CLYBL: variants seen among roughly 807,000 people sequenced by gnomAD.
The protein encoded by CLYBL is citramalyl-CoA lyase.
In CLYBL, 31 loss-of-function variants were observed where a neutral mutation model predicts 38.9. The observed-to-expected ratio is 0.80, with a 90% CI of 0.60 to 1.08. The LOEUF (loss-of-function observed/expected upper bound fraction) is 1.08, where lower values mean the gene tolerates loss of function less well. Ranked by LOEUF, CLYBL falls within the 50% of genes least tolerant of loss-of-function variation. CLYBL has a pLI of 0.00. For synonymous variants in CLYBL, 171 were observed against 158.6 expected (o/e 1.08, Z -0.59); for missense variants, 434 against 411.6 (o/e 1.05, Z -0.47).
intron 1 of CLYBL, among the ~76,000 whole-genome samples, chr13:99,728,581 T>C (rs2048525303): frequency 6.6e-6 from 1 of 151,860 alleles, no homozygotes; most frequent in African/African-American, 2.4e-5. Flanking sequence ...TTTTTTTTTT[T>C]TTCTTTTTAA....
intron 2 of CLYBL, among the ~76,000 whole-genome samples, chr13:99,794,586 T>TATTATTATTATTATTATG (rs1341818810): frequency 6.7e-6 from 1 of 148,684 alleles, no homozygotes; most frequent in African/African-American, 2.5e-5. Context: ...TTTCATTTAT[T>TATTATTATTATTATTATG]ATTATTATTA....
At chr13:99,655,475 G>C (rs2047317630) in intron 1 of CLYBL, among the ~76,000 whole-genome samples, 1 of 152,240 alleles carries the variant, frequency 6.6e-6, no homozygotes, top group South Asian at 2.1e-4. Flanking sequence ...GCAACCTCTA[G>C]TTGCTGGGAC....
At position 99,793,205 on chromosome 13, in the gene CLYBL, A is replaced by C. The variant is rs535856615; in HGVS notation, c.249+20195A>C. Among the ~76,000 whole-genome samples, 146 of 152,280 alleles carry C rather than the reference A, an allele frequency of 9.6e-4. 1 individual carries two copies. The highest frequency in any genetic ancestry group is 3.4e-3 in the African/African-American group (142 of 41,564). ...AAATTAGTGGAGTGGCTAGGTGTAT[A>C]CTTCCCACAGCGAGCCAGTGAACTA... On this transcript the variant is annotated intron_variant, in intron 2 of 8. Coordinates refer to ENST00000339105, the MANE Select transcript of CLYBL (RefSeq NM_206808.5).
chr13:99,661,246 GA>G (rs146966891), intron 1 of CLYBL, among the ~76,000 whole-genome samples: 3,553 of 151,740 alleles, frequency 0.023, 124 homozygotes, highest in African/African-American at 0.081. Flanking sequence ...AAGTAAAAGA[GA>G]AAAAAAAGTA....
At chr13:99,751,611 C>T (rs2048959249) in intron 1 of CLYBL, among the ~76,000 whole-genome samples, 1 of 152,148 alleles carries the variant, frequency 6.6e-6, no homozygotes, top group Non-Finnish European at 1.5e-5. Flanking sequence ...TTAGAGTAGT[C>T]AAATTCATAG....
chr13:99,709,292 G>C (rs2048192051), intron 1 of CLYBL, among the ~76,000 whole-genome samples: 1 of 152,152 alleles, frequency 6.6e-6, no homozygotes, highest in Non-Finnish European at 1.5e-5. Flanking sequence ...TGACACCTCA[G>C]TTTCAGACTT....
At chr13:99,888,870 A>C (rs189556657) in intron 7 of CLYBL, among the ~76,000 whole-genome samples, 241 of 152,302 alleles carry the variant, frequency 1.6e-3, no homozygotes, top group Non-Finnish European at 2.8e-3. Flanking sequence ...ACTATTTTTC[A>C]TCTCACCTAT....
downstream of CLYBL, chr13:99,896,036 C>G (rs905424494): frequency 1.3e-5 from 2 of 151,540 alleles, no homozygotes; most frequent in African/African-American, 2.4e-5. Context: ...GCGGTGGCCG[C>G]AGACGCCGAG....
chr13:99,896,855 G>A (rs2052587645), downstream of CLYBL: 1 of 152,170 alleles, frequency 6.6e-6, no homozygotes, highest in South Asian at 2.1e-4. Context: ...TAAAGATGTC[G>A]CCGAACTTTT....
At chr13:99,638,176 T>A (rs1210920593) in intron 1 of CLYBL, among the ~76,000 whole-genome samples, 2 of 152,112 alleles carry the variant, frequency 1.3e-5, no homozygotes, top group African/African-American at 4.8e-5. Flanking sequence ...CTGGCTGGTC[T>A]CAAATGCCTG....
intron 2 of CLYBL, among the ~76,000 whole-genome samples, chr13:99,807,260 G>A (rs117958459): frequency 1.7e-3 from 257 of 152,294 alleles, no homozygotes; most frequent in Non-Finnish European, 3.2e-3. Flanking sequence ...TGATAGGTGC[G>A]TTCTTTATGC....
intron 2 of CLYBL, among the ~76,000 whole-genome samples, chr13:99,794,126 G>T (rs1325472776): frequency 6.6e-6 from 1 of 152,120 alleles, no homozygotes; most frequent in Non-Finnish European, 1.5e-5. Context: ...TGTGACTAAC[G>T]AATCAAATAT....
At chr13:99,676,304 C>A (rs2047650278) in intron 1 of CLYBL, among the ~76,000 whole-genome samples, 1 of 151,730 alleles carries the variant, frequency 6.6e-6, no homozygotes, top group Admixed American at 6.6e-5. Context: ...CTCTCCCCTC[C>A]CCTCCTGTCC....
chr13:99,769,497 G>A (rs1222320055), intron 1 of CLYBL, among the ~76,000 whole-genome samples: 3 of 152,116 alleles, frequency 2.0e-5, no homozygotes, highest in Non-Finnish European at 2.9e-5. Context: ...GTATTTTTAG[G>A]GAAATGTATA....
intron 2 of CLYBL, among the ~76,000 whole-genome samples, chr13:99,825,650 A>G (rs1346668460): frequency 6.6e-6 from 1 of 152,262 alleles, no homozygotes; most frequent in Admixed American, 6.5e-5. Context: ...CACACTGGTA[A>G]TCTTGTTTCC....
intron 1 of CLYBL, among the ~76,000 whole-genome samples, chr13:99,697,524 C>A (rs1331361502): frequency 6.6e-6 from 1 of 152,102 alleles, no homozygotes; most frequent in Non-Finnish European, 1.5e-5. Flanking sequence ...CGTGCCACCA[C>A]ACCCAGCTAA....
chr13:99,776,382 G>C (rs1209634817), intron 2 of CLYBL, among the ~76,000 whole-genome samples: 3 of 150,766 alleles, frequency 2.0e-5, no homozygotes, highest in Non-Finnish European at 4.4e-5. Flanking sequence ...TGTAATCCCA[G>C]CTACTCGGGA....
rs768297438 is a variant in CLYBL at position 99,772,804 on chromosome 13, C to G, written c.63-20C>G. ...TACAGAAATCTCATTCTGGACTAAC[C>G]CCAATCACGTGTCTTGCAGGAAAGC... On this transcript the variant is annotated intron_variant, in intron 1 of 8. Transcript: ENST00000339105. 6.4e-7 allele frequency: 1 copy of G among 1,568,030 alleles called. No individual in the cohort carries two copies. Among genetic ancestry groups the G allele is most frequent in the African/African-American group, 1.4e-5 (1 of 72,312 alleles).
chr13:99,840,148 A>C (rs922465791), intron 2 of CLYBL, among the ~76,000 whole-genome samples: 5 of 151,756 alleles, frequency 3.3e-5, no homozygotes, highest in African/African-American at 9.7e-5. Flanking sequence ...TAGAGACAAG[A>C]CTAACAACCC....
Sources: allele counts gnomAD v4.1 joint callset (sites outside exome capture counted in the v4.1 genomes callset), GRCh38; gene constraint gnomAD v4.1.1; transcripts MANE v1.5; gene names NCBI Gene and HGNC (gene_info 2026-07-23, HGNC 2026-07-21).